The following PCDHA9 variants were observed in gnomAD, a reference collection of about 807,000 sequenced individuals.
PCDHA9 encodes protocadherin alpha 9, also known as protocadherin alpha-9.
Under a neutral mutation model 62.0 loss-of-function variants are expected in PCDHA9, and 62 were observed. The ratio of observed to expected loss-of-function variants is 1.00; its 90% CI spans 0.81 to 1.23. PCDHA9 has a LOEUF of 1.23. Among genes scored for constraint, PCDHA9 ranks in the 50% most tolerant of loss-of-function variants. PCDHA9 has a pLI of 0.00. For synonymous variants in PCDHA9, 557 were observed against 567.6 expected (o/e 0.98, Z 0.27); for missense variants, 1,205 against 1,249.8 (o/e 0.96, Z 0.54).
chr5:140,852,300 C>A (rs1056866634), intron 1 of PCDHA9: 2 of 445,888 alleles, frequency 4.5e-6, no homozygotes, highest in East Asian at 1.5e-4. Flanking sequence ...TTTTCTGAGA[C>A]GGAGTCGTTT....
intron 1 of PCDHA9, among the ~76,000 whole-genome samples, chr5:140,937,158 C>T (rs969335051): frequency 2.6e-5 from 4 of 151,874 alleles, no homozygotes; most frequent in Non-Finnish European, 4.4e-5. Context: ...CTGCCTCAGC[C>T]TCCCGAGTAG....
intron 1 of PCDHA9, chr5:140,869,456 A>G (rs782269395): frequency 1.9e-6 from 3 of 1,614,072 alleles, no homozygotes; most frequent in Non-Finnish European, 2.5e-6. Flanking sequence ...CAGGTTTTCC[A>G]TGTGAACGTG....
chr5:140,929,174 G>C, intron 1 of PCDHA9: 1 of 1,614,140 alleles, frequency 6.2e-7, no homozygotes, highest in South Asian at 1.1e-5. Flanking sequence ...GCCTCTCTGG[G>C]ACTTGGTTCT....
At chr5:140,858,419 G>C (rs2045401110) in intron 1 of PCDHA9, 1 of 1,559,254 alleles carries the variant, frequency 6.4e-7, no homozygotes. Flanking sequence ...GTCTATTGGA[G>C]GGGACCACTC....
intron 1 of PCDHA9, chr5:140,968,523 A>G (rs1441549667): frequency 8.1e-6 from 13 of 1,613,762 alleles, no homozygotes; most frequent in African/African-American, 1.3e-5. Flanking sequence ...ACCTCAACCA[A>G]CTCGTCAGCA....
intron 1 of PCDHA9, among the ~76,000 whole-genome samples, chr5:140,951,776 T>C (rs1301757181): frequency 2.6e-5 from 4 of 152,140 alleles, no homozygotes; most frequent in East Asian, 1.9e-4. Context: ...CGTTCTTACA[T>C]TGCAAAATAC....
At position 140,849,574 on chromosome 5, in the gene PCDHA9, A is replaced by G. The variant is rs2150440972; in HGVS notation, c.1079A>G (p.Lys360Arg). 6.3e-7 allele frequency: 1 copy of G among 1,598,696 alleles called. No individual in the cohort carries two copies. Among genetic ancestry groups the G allele is most frequent in the East Asian group, 2.2e-5 (1 of 44,858 alleles). Residue 360 changes from lysine to arginine, a missense_variant, in exon 1 of 4, where the codon AAA (lysine) becomes AGA (arginine). Lys to Arg is a conservative substitution (Grantham distance 26, BLOSUM62 2). This residue lies in a region of PCDHA9 where 887 missense variants were observed against 809.5 expected (regional missense o/e 1.10). Coordinates refer to ENST00000532602, the MANE Select transcript of PCDHA9 (RefSeq NM_031857.2). ...ATCAAAACGCTCTCGGTTCCTGTAA[A>G]AGAGGACGCACAACTGGGGACAGTT... ...LTIKTLSVPVKEDAQLGTVIA... is the reference protein window; with the variant it reads ...LTIKTLSVPVREDAQLGTVIA...
intron 3 of PCDHA9, among the ~76,000 whole-genome samples, chr5:141,006,584 GA>G (rs1353712503): frequency 6.6e-6 from 1 of 152,126 alleles, no homozygotes; most frequent in Non-Finnish European, 1.5e-5. Context: ...GAGGGTTGGA[GA>G]GAAGCAAAAG....
chr5:141,002,675 A>G (rs782045638), intron 3 of PCDHA9, among the ~76,000 whole-genome samples: 5 of 152,222 alleles, frequency 3.3e-5, no homozygotes, highest in African/African-American at 4.8e-5. Context: ...ACCAAAACCT[A>G]TACGACGTGC....
chr5:140,879,675 G>A (rs141369145), intron 1 of PCDHA9, among the ~76,000 whole-genome samples: 1 of 152,360 alleles, frequency 6.6e-6, no homozygotes, highest in South Asian at 2.1e-4. Context: ...CAAACTGGGT[G>A]CTGTAAAACA....
intron 3 of PCDHA9, among the ~76,000 whole-genome samples, chr5:140,990,557 A>G (rs782726055): frequency 2.0e-5 from 3 of 152,166 alleles, no homozygotes; most frequent in Non-Finnish European, 4.4e-5. Flanking sequence ...TTACCCAAGA[A>G]CACACACCTG....
chr5:140,871,132 G>A, intron 1 of PCDHA9: 1 of 1,613,372 alleles, frequency 6.2e-7, no homozygotes, highest in South Asian at 1.1e-5. Flanking sequence ...GGCGCCAAAG[G>A]CCTCTTCCCG....
chr5:140,871,582 GT>G, intron 1 of PCDHA9: 2 of 1,468,826 alleles, frequency 1.4e-6, no homozygotes, highest in Non-Finnish European at 1.8e-6. Flanking sequence ...TTAAGGGAAA[GT>G]TTTATGAATA....
In PCDHA9 at chr5:140,848,861, G is replaced by C; in HGVS notation, c.366G>C (p.Glu122Asp). 1 of 1,590,758 alleles carries C rather than the reference G, an allele frequency of 6.3e-7. No individual in the cohort carries two copies. Among genetic ancestry groups the C allele is most frequent in the Non-Finnish European group, 8.6e-7 (1 of 1,162,266 alleles). ...TGCAGGTTTTCCATGTGGACGTGGA[G>C]GTGAAGGACATTAACGACAACCCTC... ...RPLQVFHVDVEVKDINDNPPV... is the reference protein window; with the variant it reads ...RPLQVFHVDVDVKDINDNPPV... Residue 122 changes from glutamate to aspartate, a missense_variant, in exon 1 of 4, where the codon GAG (glutamate) becomes GAC (aspartate). By Grantham distance (45) the Glu-to-Asp change is conservative. Transcript: ENST00000532602.
intron 1 of PCDHA9, chr5:140,967,470 C>T (rs1554229592): frequency 1.2e-6 from 2 of 1,613,462 alleles, no homozygotes; most frequent in Non-Finnish European, 8.5e-7. Context: ...GGGGGCATCC[C>T]AGCCCGCTCG....
intron 1 of PCDHA9, among the ~76,000 whole-genome samples, chr5:140,962,354 A>G (rs80298031): frequency 0.023 from 3,560 of 152,266 alleles, 46 homozygotes; most frequent in Middle Eastern, 0.034. Context: ...ACTCCCCCCA[A>G]TACTGGCTAG....
intron 1 of PCDHA9, among the ~76,000 whole-genome samples, chr5:140,913,735 G>A (rs1416656981): frequency 6.6e-6 from 1 of 151,834 alleles, no homozygotes; most frequent in Non-Finnish European, 1.5e-5. Context: ...CCCTCTAATA[G>A]TACTCCTTTT....
At chr5:140,896,657 A>G (rs1554187043) in intron 1 of PCDHA9, among the ~76,000 whole-genome samples, 1 of 152,010 alleles carries the variant, frequency 6.6e-6, no homozygotes, top group East Asian at 1.9e-4. Flanking sequence ...TATTACAGGC[A>G]TGAGTCACTG....
intron 1 of PCDHA9, among the ~76,000 whole-genome samples, chr5:140,948,168 T>G (rs1217978838): frequency 6.6e-6 from 1 of 151,636 alleles, no homozygotes; most frequent in Non-Finnish European, 1.5e-5. Flanking sequence ...AACCTTCCAT[T>G]CCTAGGGTAA....
Sources: allele counts gnomAD v4.1 joint callset (sites outside exome capture counted in the v4.1 genomes callset), GRCh38; gene constraint gnomAD v4.1.1; regional missense constraint gnomAD v4.1.1; transcripts MANE v1.5; gene names NCBI Gene and HGNC (gene_info 2026-07-23, HGNC 2026-07-21).